The following TNS3 variants were observed in gnomAD, a reference collection of about 807,000 sequenced individuals.
TNS3 encodes the protein tensin 3.
In TNS3, 45 loss-of-function variants were observed where a neutral mutation model predicts 140.9. The ratio of observed to expected loss-of-function variants is 0.32; its 90% confidence interval spans 0.25 to 0.41. The LOEUF (loss-of-function observed/expected upper bound fraction) is 0.41. TNS3 is among the 10% of genes least tolerant of loss of function. TNS3 has a pLI of 1.00. For missense variants in TNS3, 1,716 were observed against 1,906.7 expected (o/e 0.90, Z 1.86); for synonymous variants, 815 against 788.4 (o/e 1.03, Z -0.56).
chr7:47,293,187 G>C (rs546258556), intron 25 of TNS3, among the ~76,000 whole-genome samples: 3 of 152,200 alleles, frequency 2.0e-5, no homozygotes, highest in Non-Finnish European at 4.4e-5. Flanking sequence ...GTTGGATCTT[G>C]AATCAGGAGG....
chr7:47,312,529 C>G (rs1344958475), intron 20 of TNS3, among the ~76,000 whole-genome samples: 1 of 151,734 alleles, frequency 6.6e-6, no homozygotes, highest in Non-Finnish European at 1.5e-5. Flanking sequence ...ATGGTGAAAC[C>G]CCGTCTCTTC....
intron 1 of TNS3, among the ~76,000 whole-genome samples, chr7:47,558,572 C>A (rs1411424847): frequency 1.3e-5 from 2 of 152,140 alleles, no homozygotes; most frequent in Non-Finnish European, 2.9e-5. Context: ...GGGGTTCAGG[C>A]CCACCTCTCC....
chr7:47,507,155 T>A (rs1798448247), intron 2 of TNS3, among the ~76,000 whole-genome samples: 1 of 152,178 alleles, frequency 6.6e-6, no homozygotes, highest in South Asian at 2.1e-4. Context: ...GAGTTACAAC[T>A]GTTGTCTGTT....
chr7:47,529,887 T>C (rs1257848892), intron 1 of TNS3, among the ~76,000 whole-genome samples: 1 of 152,256 alleles, frequency 6.6e-6, no homozygotes, highest in Admixed American at 6.5e-5. Flanking sequence ...TTAATATCCA[T>C]ATGGATTCAG....
chr7:47,389,917 T>C (rs1196286376), intron 16 of TNS3, among the ~76,000 whole-genome samples: 1 of 152,240 alleles, frequency 6.6e-6, no homozygotes, highest in Non-Finnish European at 1.5e-5. Flanking sequence ...ACAACTTCAG[T>C]TGCCTGATGA....
chr7:47,308,808 G>A (rs1210935340), intron 20 of TNS3, among the ~76,000 whole-genome samples: 1 of 152,130 alleles, frequency 6.6e-6, no homozygotes, highest in Non-Finnish European at 1.5e-5. Flanking sequence ...CTTTGAGTTA[G>A]CACTGGGTTA....
chr7:47,497,400 G>T (rs1185953434), intron 3 of TNS3, among the ~76,000 whole-genome samples: 5 of 152,144 alleles, frequency 3.3e-5, no homozygotes, highest in African/African-American at 1.2e-4. Flanking sequence ...GTTGAATTCA[G>T]TTCTCCGCAG....
chr7:47,311,399 A>T (rs1023757501), intron 20 of TNS3, among the ~76,000 whole-genome samples: 4 of 147,324 alleles, frequency 2.7e-5, no homozygotes, highest in Admixed American at 6.8e-5. Context: ...GAACTTAAAG[A>T]GTGTGTGTGT....
chr7:47,300,764 G>T lies in TNS3; in HGVS notation c.3544+1422C>A, dbSNP rs536429161. ...AGCTGGAGGAGGTGCCGAGGCACTG[G>T]GGGCCACAGTCATCGGGATTCTTGA... On this transcript the variant is annotated intron_variant, in intron 23 of 30. Coordinates refer to ENST00000311160, the MANE Select transcript of TNS3 (RefSeq NM_022748.12). Among the ~76,000 whole-genome samples the T allele has an allele frequency of 3.9e-4, 60 of 152,328 alleles. 1 individual carries two copies. The highest frequency in any genetic ancestry group is 1.4e-3 in the African/African-American group (58 of 41,574).
chr7:47,528,636 G>A (rs2151938520), intron 2 of TNS3, among the ~76,000 whole-genome samples: 1 of 152,338 alleles, frequency 6.6e-6, no homozygotes, highest in South Asian at 2.1e-4. Flanking sequence ...TTAGTTTAGT[G>A]ACAGGATCTG....
chr7:47,470,562 T>C (rs1461539680), intron 4 of TNS3: 2 of 985,292 alleles, frequency 2.0e-6, no homozygotes, highest in Non-Finnish European at 2.4e-6. Context: ...CAAAGGTGCC[T>C]TTGGTGCGTC....
intron 17 of TNS3, among the ~76,000 whole-genome samples, chr7:47,364,346 G>A (rs758633932): frequency 3.4e-5 from 5 of 147,882 alleles, no homozygotes; most frequent in African/African-American, 5.1e-5. Flanking sequence ...TGCAGTGCAC[G>A]GTCTCAGTTC....
At chr7:47,561,228 G>T (rs1214650230) in intron 1 of TNS3, among the ~76,000 whole-genome samples, 2 of 152,158 alleles carry the variant, frequency 1.3e-5, no homozygotes, top group African/African-American at 4.8e-5. Context: ...TGGACACATG[G>T]AGCACAGGAT....
chr7:47,394,019 C>T (rs1046430230), intron 16 of TNS3, among the ~76,000 whole-genome samples: 4 of 152,172 alleles, frequency 2.6e-5, no homozygotes, highest in Admixed American at 1.3e-4. Context: ...CCACCTCCAA[C>T]CACACAATCC....
rs531993924 is a variant in TNS3 at position 47,384,094 on chromosome 7, C to G, written c.1024+12706G>C. Among the ~76,000 whole-genome samples, 3 of 152,332 alleles carry G rather than the reference C, an allele frequency of 2.0e-5. No individual in the cohort carries two copies. In the South Asian group the frequency reaches 6.2e-4, roughly 32 times the overall value. On this transcript the variant is annotated intron_variant, in intron 16 of 30. Coordinates refer to ENST00000311160, the MANE Select transcript of TNS3 (RefSeq NM_022748.12). ...CAGCCCGTGACCACCCATTCTCCCC[C>G]CACTGTCTCCACCGTTTGCTCCTCT...
At position 47,295,185 on chromosome 7, in the gene TNS3, T is replaced by C. The variant is rs73695305; in HGVS notation, c.3677-1357A>G. On this transcript the variant is annotated intron_variant, in intron 24 of 30. Transcript: ENST00000311160. ...TGCTATTCTAATATCCCCTATTTTG[T>C]TCCTTTCATCTTAAGATTGAGTCCA... Among the ~76,000 whole-genome samples, 1,390 of 152,324 alleles carry C rather than the reference T, an allele frequency of 9.1e-3. 24 individuals are homozygous for C. The highest frequency in any genetic ancestry group is 0.031 in the African/African-American group (1,305 of 41,572).
intron 4 of TNS3, among the ~76,000 whole-genome samples, chr7:47,478,606 CATTT>C (rs1385588588): frequency 6.6e-6 from 1 of 151,916 alleles, no homozygotes; most frequent in Non-Finnish European, 1.5e-5. Flanking sequence ...ACATGTGTAA[CATTT>C]ATATACATAA....
chr7:47,569,864 A>C (rs1458670410), intron 1 of TNS3, among the ~76,000 whole-genome samples: 1 of 151,386 alleles, frequency 6.6e-6, no homozygotes, highest in Non-Finnish European at 1.5e-5. Flanking sequence ...AATAAAAAGA[A>C]TAGGTCGGGC....
intron 20 of TNS3, among the ~76,000 whole-genome samples, chr7:47,313,029 T>A (rs1297957516): frequency 1.3e-5 from 2 of 152,176 alleles, no homozygotes; most frequent in African/African-American, 4.8e-5. Flanking sequence ...GTCAGCCAGA[T>A]GAGACCATGT....
Sources: gnomAD v4.1 joint callset for allele counts (sites outside exome capture counted in the v4.1 genomes callset) on GRCh38, gnomAD v4.1.1 for gene constraint, MANE v1.5 for transcripts, NCBI Gene and HGNC (gene_info 2026-07-23, HGNC 2026-07-21) for gene names.